The following COP1 variants were observed in gnomAD, a reference collection of about 807,000 sequenced individuals.
COP1 encodes COP1 E3 ubiquitin ligase, also known as E3 ubiquitin-protein ligase COP1.
COP1 carries 24 observed loss-of-function variants against 101.3 expected under a neutral mutation model. That is an observed-to-expected ratio of 0.24 (90% confidence interval 0.17 to 0.33). The LOEUF (loss-of-function observed/expected upper bound fraction) is 0.33, where lower values mean the gene tolerates loss of function less well. COP1 is among the 10% of genes least tolerant of loss of function. COP1 has a pLI of 1.00. For synonymous variants in COP1, 347 were observed against 341.9 expected, an observed-to-expected ratio of 1.01 and a Z score of -0.17; for missense variants, 663 against 906.2, an observed-to-expected ratio of 0.73 and a Z score of 3.45.
intron 11 of COP1, among the ~76,000 whole-genome samples, chr1:176,049,656 A>T (rs1288163103): frequency 6.6e-6 from 1 of 152,094 alleles, no homozygotes; most frequent in Non-Finnish European, 1.5e-5. Flanking sequence ...ATACTGAAAC[A>T]TTTGCTCCCT....
rs567532200 is a variant in COP1 at position 175,947,029 on chromosome 1, A to G, written c.2178+166T>C. Among the ~76,000 whole-genome samples, 6 of 152,358 alleles carry G rather than the reference A, an allele frequency of 3.9e-5. No individual in the cohort carries two copies. In the South Asian group the frequency reaches 1.2e-3, roughly 32 times the overall value. On this transcript the variant is annotated intron_variant, in intron 19 of 19. Coordinates refer to ENST00000367669, the MANE Select transcript of COP1 (RefSeq NM_022457.7). Reference sequence around the variant, plus strand: ...ATAAGCACTATCATCTTCTCCACAGATGCAAGCTACCTATTCTTTTCCCTT... The same window carrying G: ...ATAAGCACTATCATCTTCTCCACAGGTGCAAGCTACCTATTCTTTTCCCTT...
intron 15 of COP1, among the ~76,000 whole-genome samples, chr1:176,002,240 G>C (rs907970776): frequency 9.9e-5 from 15 of 151,920 alleles, no homozygotes; most frequent in African/African-American, 3.6e-4. Flanking sequence ...GGTGTCTCCA[G>C]GTTTGTGAAG....
chr1:176,048,773 A>G (rs1012867846), intron 11 of COP1, among the ~76,000 whole-genome samples: 3 of 152,234 alleles, frequency 2.0e-5, no homozygotes, highest in Admixed American at 6.5e-5. Flanking sequence ...TGCCATTACT[A>G]AACTATTAGT....
At chr1:176,032,228 A>G (rs1035546701) in intron 14 of COP1, among the ~76,000 whole-genome samples, 1 of 152,166 alleles carries the variant, frequency 6.6e-6, no homozygotes. Context: ...GTAAAAAGGG[A>G]GAGTGCTATT....
chr1:176,049,767 T>G (rs1170565364), intron 11 of COP1, among the ~76,000 whole-genome samples: 1 of 152,182 alleles, frequency 6.6e-6, no homozygotes, highest in Admixed American at 6.5e-5. Context: ...AATTTTCAGG[T>G]GCAGAAAGCT....
intron 10 of COP1, among the ~76,000 whole-genome samples, chr1:176,085,448 C>T (rs1558075680): frequency 1.3e-5 from 2 of 152,118 alleles, no homozygotes; most frequent in Admixed American, 6.5e-5. Flanking sequence ...GAGGACAGTG[C>T]TTAGAACTTC....
intron 18 of COP1, among the ~76,000 whole-genome samples, chr1:175,968,854 T>A (rs1652675598): frequency 6.6e-6 from 1 of 152,212 alleles, no homozygotes; most frequent in Non-Finnish European, 1.5e-5. Flanking sequence ...CACACTGCAC[T>A]CAAATATTCT....
chr1:176,157,200 A>C (rs1693601688), intron 5 of COP1, among the ~76,000 whole-genome samples: 1 of 152,114 alleles, frequency 6.6e-6, no homozygotes, highest in Non-Finnish European at 1.5e-5. Context: ...TCTCAAAAAA[A>C]TAATAACAAC....
intron 11 of COP1, among the ~76,000 whole-genome samples, chr1:176,050,991 T>C (rs1338655088): frequency 6.6e-6 from 1 of 152,044 alleles, no homozygotes; most frequent in Non-Finnish European, 1.5e-5. Flanking sequence ...AATAATAATA[T>C]ACATTACATT....
At chr1:176,205,365 A>G (rs959681607) in intron 1 of COP1, among the ~76,000 whole-genome samples, 1 of 152,218 alleles carries the variant, frequency 6.6e-6, no homozygotes, top group African/African-American at 2.4e-5. Context: ...AAAAGCAGAA[A>G]GGTGAATAAA....
rs1657294635 is a variant in COP1, at chr1:175,987,073, T to C, written c.2003A>G (p.Tyr668Cys). 1 of 1,549,328 alleles carries C rather than the reference T, an allele frequency of 6.5e-7. No individual in the cohort carries two copies. Among genetic ancestry groups the C allele is most frequent in the African/African-American group, 1.4e-5 (1 of 73,098 alleles). Residue 668 changes from tyrosine (Y) to cysteine (C), a missense_variant, in exon 18 of 20, where the codon TAT becomes TGT. Coordinates refer to ENST00000367669, the MANE Select transcript of COP1 (RefSeq NM_022457.7). ...GSENNSLYLYYKGLSKTLLTF... is the reference protein window; with the variant it reads ...GSENNSLYLYCKGLSKTLLTF... Reference sequence around the variant, plus strand: ...TAGCAAAGTCTTAGAAAGTCCTTTATAGTACAGGTAGAGAGAGTTATTTTC... The same window carrying C: ...TAGCAAAGTCTTAGAAAGTCCTTTACAGTACAGGTAGAGAGAGTTATTTTC...
chr1:176,003,992 G>A (rs531507414), intron 15 of COP1, among the ~76,000 whole-genome samples: 2 of 149,924 alleles, frequency 1.3e-5, no homozygotes, highest in African/African-American at 4.9e-5. Context: ...AGCATGGAAT[G>A]TTCTTCCATT....
At chr1:175,974,699 G>A (rs1001980887) in intron 18 of COP1, among the ~76,000 whole-genome samples, 3 of 151,980 alleles carry the variant, frequency 2.0e-5, no homozygotes, top group African/African-American at 7.2e-5. Context: ...AATAAAAAAC[G>A]CTTTTGATGC....
intron 9 of COP1, among the ~76,000 whole-genome samples, chr1:176,093,090 C>T (rs375484608): frequency 2.6e-5 from 4 of 152,042 alleles, no homozygotes; most frequent in Non-Finnish European, 5.9e-5. Context: ...TTATAAAGTT[C>T]AAATACAGCC....
intron 3 of COP1, among the ~76,000 whole-genome samples, chr1:176,165,361 C>CATGT (rs1553301971): frequency 3.0e-5 from 4 of 132,058 alleles, no homozygotes; most frequent in African/African-American, 1.2e-4. Context: ...AGATGTGTGT[C>CATGT]GTGTGTGTGT....
intron 2 of COP1, among the ~76,000 whole-genome samples, 171 bp from the exon 3 acceptor site, chr1:176,176,178 C>A (rs1696906721): frequency 6.6e-6 from 1 of 152,188 alleles, no homozygotes; most frequent in East Asian, 1.9e-4. Flanking sequence ...AGGGCACTTA[C>A]TGGGTAAACA....
intron 1 of COP1, among the ~76,000 whole-genome samples, chr1:176,190,082 A>G (rs1038811164): frequency 2.6e-5 from 4 of 152,130 alleles, no homozygotes; most frequent in Admixed American, 6.5e-5. Flanking sequence ...AGAACTTTAA[A>G]TATAACAAAA....
intron 18 of COP1, among the ~76,000 whole-genome samples, chr1:175,948,997 T>C (rs1272119261): frequency 6.6e-6 from 1 of 151,612 alleles, no homozygotes; most frequent in Non-Finnish European, 1.5e-5. Context: ...ATCCTGTCTC[T>C]ACTAAAATAC....
chr1:176,163,057 T>G (rs1247318788), intron 4 of COP1, 69 bp from the exon 5 acceptor site: 1 of 1,461,364 alleles, frequency 6.8e-7, no homozygotes. Flanking sequence ...AAACAAATGT[T>G]TACTTGCTAC....
Sources: gnomAD v4.1 joint callset for allele counts (sites outside exome capture counted in the v4.1 genomes callset) on GRCh38, gnomAD v4.1.1 for gene constraint, MANE v1.5 for transcripts, NCBI Gene and HGNC (gene_info 2026-07-23, HGNC 2026-07-21) for gene names.